EGFR: variants seen among roughly 807,000 people sequenced by gnomAD.
EGFR encodes the protein epidermal growth factor receptor, also known as avian erythroblastic leukemia viral (v-erb-b) oncogene homolog.
In EGFR, 58 loss-of-function variants were observed where a neutral mutation model predicts 143.0. The observed-to-expected ratio is 0.41, with a 90% CI of 0.33 to 0.50. The LOEUF (loss-of-function observed/expected upper bound fraction) is 0.50, where lower values mean the gene tolerates loss of function less well. Among genes scored for constraint, EGFR ranks in the 20% least tolerant of loss-of-function variants. The pLI is 0.39. For missense variants in EGFR, 1,307 were observed against 1,579.0 expected (o/e 0.83, Z 2.92); for synonymous variants, 613 against 594.4 (o/e 1.03, Z -0.45).
At chr7:55,058,663 C>T (rs146090978) in intron 1 of EGFR, among the ~76,000 whole-genome samples, 6 of 152,110 alleles carry the variant, frequency 3.9e-5, no homozygotes, top group African/African-American at 1.4e-4. Context: ...GATGAGAACA[C>T]AAGGATACAC....
rs551667713 is a variant in EGFR, at chr7:55,191,016, G to A, written c.2470-703G>A. On this transcript the variant is annotated intron_variant, in intron 20 of 27. Transcript: ENST00000275493. ...AGGCCGTGGGTCAGGATCAGCCAGG[G>A]TCAGGGTAGCATTTCTAGGAATTCA... Among the ~76,000 whole-genome samples the A allele has an allele frequency of 2.6e-5, 4 of 152,298 alleles. 1 individual carries two copies. The South Asian group carries it at 8.3e-4, about 32-fold the overall frequency.
chr7:55,034,355 C>G (rs927037186), intron 1 of EGFR, among the ~76,000 whole-genome samples: 1 of 152,094 alleles, frequency 6.6e-6, no homozygotes, highest in Non-Finnish European at 1.5e-5. Flanking sequence ...TGTCTCAGCC[C>G]CCTGAGTAGC....
intron 1 of EGFR, among the ~76,000 whole-genome samples, chr7:55,140,844 C>G (rs987415065): frequency 3.9e-5 from 6 of 152,198 alleles, no homozygotes; most frequent in Non-Finnish European, 8.8e-5. Flanking sequence ...GAAATCCCCA[C>G]AGAGTTAAAG....
intron 1 of EGFR, among the ~76,000 whole-genome samples, chr7:55,107,571 A>G (rs1792212977): frequency 6.6e-6 from 1 of 152,224 alleles, no homozygotes; most frequent in Admixed American, 6.5e-5. Context: ...ATCTGCACAG[A>G]GTTCATCTCT....
rs17289120 is a variant in EGFR at position 55,063,058 on chromosome 7, T to G, written c.88+43693T>G. Among the ~76,000 whole-genome samples the G allele has an allele frequency of 4.1e-3, 630 of 152,300 alleles. 9 individuals are homozygous for G. Among genetic ancestry groups the G allele is most frequent in the African/African-American group, 0.014 (595 of 41,568 alleles). ...CAGACCCCAAAGGCAAGCTCAGGGT[T>G]GTCAGCTTCCAAAGTCTGCCTGCTC... On this transcript the variant is annotated intron_variant, in intron 1 of 27. Transcript: ENST00000275493.
chr7:55,079,005 A>G (rs1790301201), intron 1 of EGFR, among the ~76,000 whole-genome samples: 1 of 152,138 alleles, frequency 6.6e-6, no homozygotes, highest in Admixed American at 6.5e-5. Context: ...TTCAGAAGGG[A>G]AAAGAGAACG....
rs375877462 is a variant in EGFR at position 55,200,311 on chromosome 7, C to T, written c.2849-5C>T. The T allele has an allele frequency of 1.2e-6, 2 of 1,613,786 alleles. No homozygotes were observed. Among genetic ancestry groups the T allele is most frequent in the African/African-American group, 1.3e-5 (1 of 74,894 alleles). On this transcript the variant is annotated splice_polypyrimidine_tract_variant and splice_region_variant and intron_variant, in intron 23 of 27. Coordinates refer to ENST00000275493, the MANE Select transcript of EGFR (RefSeq NM_005228.5). ...TTGCACTGTTTTTTCTCATTCCTTC[C>T]CCAGGCTGGATGATAGACGCAGATA...
chr7:55,094,126 G>A (rs185486097), intron 1 of EGFR, among the ~76,000 whole-genome samples: 222 of 152,308 alleles, frequency 1.5e-3, no homozygotes, highest in African/African-American at 4.8e-3. Context: ...TCTGAAGGGG[G>A]CTGCTTGACA....
chr7:55,023,097 G>A (rs550260137), intron 1 of EGFR, among the ~76,000 whole-genome samples: 6 of 152,326 alleles, frequency 3.9e-5, no homozygotes, highest in Admixed American at 6.5e-5. Context: ...CTGGTGCCCC[G>A]GAATAGGGAT....
intron 4 of EGFR, among the ~76,000 whole-genome samples, chr7:55,149,439 T>C (rs1267300702): frequency 1.3e-5 from 2 of 152,152 alleles, no homozygotes; most frequent in African/African-American, 4.8e-5. Context: ...TTATTTCTAA[T>C]GTAATAAGTA....
intron 1 of EGFR, among the ~76,000 whole-genome samples, chr7:55,095,289 G>C (rs1025520428): frequency 6.6e-6 from 1 of 152,194 alleles, no homozygotes; most frequent in Non-Finnish European, 1.5e-5. Flanking sequence ...TCAAAACTCA[G>C]CATCCTTTTC....
chr7:55,165,158 A>G (rs1200202208), intron 14 of EGFR, 122 bp from the exon 15 acceptor site: 1 of 1,413,970 alleles, frequency 7.1e-7, no homozygotes, highest in Non-Finnish European at 9.8e-7. Context: ...TCCTTTAAGA[A>G]TTTTTCTATC....
intron 1 of EGFR, among the ~76,000 whole-genome samples, chr7:55,061,867 G>A (rs1037166858): frequency 6.6e-6 from 1 of 152,166 alleles, no homozygotes; most frequent in Non-Finnish European, 1.5e-5. Flanking sequence ...CACGGCAAAG[G>A]CTCAGCTGCT....
intron 26 of EGFR, 101 bp from the exon 27 acceptor site, chr7:55,202,416 T>G (rs1584273364): frequency 2.9e-6 from 3 of 1,025,596 alleles, no homozygotes; most frequent in Middle Eastern, 5.6e-4. Flanking sequence ...CCCAACCTAC[T>G]AATCAGAACC....
intron 18 of EGFR, among the ~76,000 whole-genome samples, chr7:55,174,249 T>C (rs1336641679): frequency 1.3e-5 from 2 of 152,222 alleles, no homozygotes; most frequent in African/African-American, 2.4e-5. Context: ...GTGAGACCAA[T>C]TCACAGACCA....
At chr7:55,072,326 G>T (rs1301564967) in intron 1 of EGFR, among the ~76,000 whole-genome samples, 2 of 152,248 alleles carry the variant, frequency 1.3e-5, no homozygotes, top group Admixed American at 6.5e-5. Context: ...TTATATCACG[G>T]ACAAAAGCAC....
intron 20 of EGFR, among the ~76,000 whole-genome samples, chr7:55,183,426 T>A (rs1323163063): frequency 3.9e-5 from 6 of 152,200 alleles, no homozygotes; most frequent in Admixed American, 1.3e-4. Flanking sequence ...TCCAGGATGA[T>A]TTCATTTCAA....
chr7:55,022,368 C>T (rs1046670807), intron 1 of EGFR, among the ~76,000 whole-genome samples: 2 of 152,102 alleles, frequency 1.3e-5, no homozygotes, highest in African/African-American at 4.8e-5. Flanking sequence ...TAAAGAGAAA[C>T]CAAAGTGGGG....
chr7:55,197,731 C>G (rs140310215), intron 22 of EGFR, among the ~76,000 whole-genome samples: 1,551 of 152,216 alleles, frequency 0.01, 34 homozygotes, highest in African/African-American at 0.036. Flanking sequence ...TTATTGAGAG[C>G]CTTTTCTGCA....
Sources: allele counts gnomAD v4.1 joint callset (sites outside exome capture counted in the v4.1 genomes callset), GRCh38; gene constraint gnomAD v4.1.1; transcripts MANE v1.5; gene names NCBI Gene and HGNC (gene_info 2026-07-23, HGNC 2026-07-21).